Variants in SORCS2 observed in about 807,000 individuals in gnomAD.
SORCS2 encodes sortilin related VPS10 domain containing receptor 2.
Under a neutral mutation model 141.6 loss-of-function variants are expected in SORCS2, and 100 were observed. The observed-to-expected ratio is 0.71, with a 90% CI of 0.60 to 0.83. SORCS2 has a LOEUF of 0.83. Ranked by LOEUF, SORCS2 falls within the 40% of genes least tolerant of loss-of-function variation. SORCS2 has a pLI of 0.00. For missense variants in SORCS2, 1,646 were observed against 1,560.2 expected, an observed-to-expected ratio of 1.05 and a Z score of -0.93; for synonymous variants, 789 against 676.9, an observed-to-expected ratio of 1.17 and a Z score of -2.57.
intron 1 of SORCS2, among the ~76,000 whole-genome samples, chr4:7,246,877 C>T (rs1713133239): frequency 6.6e-6 from 1 of 152,240 alleles, no homozygotes; most frequent in Non-Finnish European, 1.5e-5. Flanking sequence ...CTCTCCACCT[C>T]CCCACAGCCT....
intron 1 of SORCS2, among the ~76,000 whole-genome samples, chr4:7,245,633 A>G (rs34167007): frequency 0.12 from 17,572 of 152,176 alleles, 1,544 homozygotes; most frequent in African/African-American, 0.25. Flanking sequence ...CACAGACGCG[A>G]GAGTGTCAGC....
chr4:7,691,756 G>C (rs924314924), intron 11 of SORCS2, among the ~76,000 whole-genome samples: 6 of 152,004 alleles, frequency 3.9e-5, no homozygotes, highest in African/African-American at 1.2e-4. Context: ...TCAATGACAG[G>C]GTATTTAAAA....
chr4:7,335,502 C>T (rs2108976168), intron 1 of SORCS2, among the ~76,000 whole-genome samples: 1 of 152,324 alleles, frequency 6.6e-6, no homozygotes, highest in South Asian at 2.1e-4. Flanking sequence ...TCTGGGCGGG[C>T]CTCACCCTGC....
At chr4:7,618,295 C>T (rs1173920127) in intron 3 of SORCS2, among the ~76,000 whole-genome samples, 5 of 152,132 alleles carry the variant, frequency 3.3e-5, no homozygotes, top group Admixed American at 3.3e-4. Flanking sequence ...AGTGAGTTCT[C>T]CAAACCACGA....
At chr4:7,391,536 C>T (rs144574016) in intron 1 of SORCS2, among the ~76,000 whole-genome samples, 15 of 152,180 alleles carry the variant, frequency 9.9e-5, no homozygotes, top group Middle Eastern at 3.4e-3. Flanking sequence ...GCTCCATGGC[C>T]GGCCTAGGGT....
chr4:7,249,088 G>T (rs762573741), intron 1 of SORCS2, among the ~76,000 whole-genome samples: 76 of 152,224 alleles, frequency 5.0e-4, no homozygotes, highest in Non-Finnish European at 1.5e-4. Flanking sequence ...TGGCTTAAAA[G>T]AATCATATTC....
At chr4:7,549,958 T>C (rs1036556783) in intron 3 of SORCS2, among the ~76,000 whole-genome samples, 1 of 152,194 alleles carries the variant, frequency 6.6e-6, no homozygotes, top group African/African-American at 2.4e-5. Flanking sequence ...AGATGAGTTC[T>C]CATATTTGCT....
At chr4:7,328,780 C>T (rs369956270) in intron 1 of SORCS2, among the ~76,000 whole-genome samples, 6 of 152,332 alleles carry the variant, frequency 3.9e-5, no homozygotes, top group Middle Eastern at 3.4e-3. Flanking sequence ...TCTGTGGCCC[C>T]GACCAGGGGC....
intron 1 of SORCS2, among the ~76,000 whole-genome samples, chr4:7,234,516 G>T (rs1298980214): frequency 6.6e-6 from 1 of 152,216 alleles, no homozygotes; most frequent in East Asian, 1.9e-4. Context: ...GGTATCACTG[G>T]GCGGCCGACG....
rs1322308825 is a variant in SORCS2 at position 7,723,644 on chromosome 4, G to T, written c.2425-53G>T. 3 of 1,589,732 alleles carry T rather than the reference G, an allele frequency of 1.9e-6. No homozygotes were observed. In the East Asian group the frequency reaches 6.7e-5, roughly 36 times the overall value. On this transcript the variant is annotated intron_variant, in intron 18 of 26. Coordinates refer to ENST00000507866, the MANE Select transcript of SORCS2 (RefSeq NM_020777.3). The stretch of plus-strand genomic sequence containing the variant: ...GTGAGTGAGTGAATGAACCACTCTG[G>T]CCCCTCAGCTTCAAGGCCCACTCCT...
chr4:7,523,033 CCCTCCCT>C (rs1733438552), intron 2 of SORCS2, among the ~76,000 whole-genome samples: 1 of 146,390 alleles, frequency 6.8e-6, no homozygotes, highest in African/African-American at 2.6e-5. Context: ...CCTCCCTCTT[CCCTCCCT>C]CCTCCCTCCT....
intron 2 of SORCS2, among the ~76,000 whole-genome samples, chr4:7,485,984 G>A (rs1483391675): frequency 1.3e-5 from 2 of 152,202 alleles, no homozygotes; most frequent in Non-Finnish European, 2.9e-5. Flanking sequence ...CTGCATCCTG[G>A]CACCCTCACT....
intron 1 of SORCS2, among the ~76,000 whole-genome samples, chr4:7,242,407 T>C (rs536511705): frequency 1.8e-4 from 27 of 152,180 alleles, no homozygotes; most frequent in Admixed American, 1.7e-3. Flanking sequence ...TCTCACTATG[T>C]TGCCCAGGCT....
chr4:7,657,441 T>G (rs1222967447), intron 5 of SORCS2, among the ~76,000 whole-genome samples: 1 of 151,516 alleles, frequency 6.6e-6, no homozygotes, highest in Admixed American at 6.6e-5. Context: ...AATGACTGAG[T>G]GGTGAGTTAG....
At chr4:7,661,675 C>G in intron 6 of SORCS2, 111 bp downstream of exon 6, 1 of 984,840 alleles carries the variant, frequency 1.0e-6, no homozygotes, top group Non-Finnish European at 1.5e-6. Flanking sequence ...CCCTACACAG[C>G]CGGCCTCACT....
In SORCS2 at chr4:7,683,376, TG is replaced by T. The variant is rs1399054301; in HGVS notation, c.1488+490del. Among the ~76,000 whole-genome samples, 10 of 145,896 alleles carry T rather than the reference TG, an allele frequency of 6.9e-5. No individual in the cohort carries two copies. The East Asian group carries it at 2.0e-3, about 29-fold the overall frequency. On this transcript the variant is annotated intron_variant, in intron 10 of 26. Transcript: ENST00000507866. ...TCTGCTGATCTTGTCTGGGCTCAGC[TG>T]GGTGGCTCTGCTGATCTTGTCTGGG...
At chr4:7,374,051 T>C (rs1005932748) in intron 1 of SORCS2, among the ~76,000 whole-genome samples, 4 of 152,236 alleles carry the variant, frequency 2.6e-5, no homozygotes, top group African/African-American at 9.6e-5. Context: ...AGTCTACATT[T>C]AGGTCTAGGA....
At chr4:7,356,459 G>T (rs1721258306) in intron 1 of SORCS2, among the ~76,000 whole-genome samples, 2 of 152,090 alleles carry the variant, frequency 1.3e-5, no homozygotes. Flanking sequence ...TCCTCACATG[G>T]CGTTGGCTCA....
chr4:7,640,833 G>T (rs941238615), intron 4 of SORCS2, among the ~76,000 whole-genome samples: 1 of 152,130 alleles, frequency 6.6e-6, no homozygotes, highest in Non-Finnish European at 1.5e-5. Flanking sequence ...CCAAACTGTG[G>T]CTGGTCAGGG....
Sources: gnomAD v4.1 joint callset for allele counts (sites outside exome capture counted in the v4.1 genomes callset) on GRCh38, gnomAD v4.1.1 for gene constraint, MANE v1.5 for transcripts, NCBI Gene and HGNC (gene_info 2026-07-23, HGNC 2026-07-21) for gene names.